Variants in ZRANB3 observed in about 807,000 individuals in gnomAD.
ZRANB3 encodes DNA annealing helicase and endonuclease ZRANB3.
A neutral mutation model predicts 133.8 loss-of-function variants in ZRANB3; 125 were observed. The ratio of observed to expected loss-of-function variants is 0.93; its 90% confidence interval spans 0.81 to 1.08. ZRANB3 has a LOEUF of 1.08. Among genes scored for constraint, ZRANB3 ranks in the 50% least tolerant of loss-of-function variants. ZRANB3 has a pLI of 0.00. For synonymous variants in ZRANB3, 387 were observed against 432.7 expected, an observed-to-expected ratio of 0.89 and a Z score of 1.31; for missense variants, 1,229 against 1,275.5, an observed-to-expected ratio of 0.96 and a Z score of 0.56.
chr2:135,375,714 G>T (rs1686398403), intron 3 of ZRANB3, among the ~76,000 whole-genome samples: 3 of 151,620 alleles, frequency 2.0e-5, no homozygotes, highest in Non-Finnish European at 4.4e-5. Context: ...AAGTTGGCCG[G>T]GGTGGTGGAG....
At chr2:135,302,043 A>G (rs924159662) in intron 8 of ZRANB3, among the ~76,000 whole-genome samples, 11 of 152,242 alleles carry the variant, frequency 7.2e-5, no homozygotes, top group Non-Finnish European at 1.6e-4. Context: ...AAGTTCATTT[A>G]CAAACTGGTT....
At chr2:135,326,267 T>C (rs961723466) in intron 6 of ZRANB3, among the ~76,000 whole-genome samples, 2 of 152,290 alleles carry the variant, frequency 1.3e-5, no homozygotes, top group Non-Finnish European at 1.5e-5. Context: ...TGCTTTTCCA[T>C]AGGTTACTGG....
In ZRANB3 at chr2:135,264,836, T is replaced by G. The variant is rs1323922427; in HGVS notation, c.1539+698A>C. Among the ~76,000 whole-genome samples, 3 of 151,862 alleles carry G rather than the reference T, an allele frequency of 2.0e-5. No homozygotes were observed. The South Asian group carries it at 6.2e-4, about 32-fold the overall frequency. ...ATCTCAGCTCACGGGAACCTCTGCC[T>G]TCAGGTGGTTCAAGCGATTCTTGTG... On this transcript the variant is annotated intron_variant, in intron 12 of 20. Transcript: ENST00000264159.
intron 2 of ZRANB3, among the ~76,000 whole-genome samples, chr2:135,469,947 G>A (rs1172482355): frequency 6.6e-6 from 1 of 151,184 alleles, no homozygotes; most frequent in Non-Finnish European, 1.5e-5. Context: ...GGGAGGTGGA[G>A]CTTGCAGTGA....
intron 1 of ZRANB3, among the ~76,000 whole-genome samples, chr2:135,524,689 T>C (rs1284372365): frequency 1.3e-5 from 2 of 151,890 alleles, no homozygotes; most frequent in Admixed American, 1.3e-4. Context: ...ATTACAAAGT[T>C]ACAGAAATTA....
chr2:135,472,021 A>G (rs1025796347), intron 2 of ZRANB3, among the ~76,000 whole-genome samples: 17 of 152,252 alleles, frequency 1.1e-4, no homozygotes, highest in Admixed American at 2.6e-4. Context: ...TGAAACAGCA[A>G]ATAAATGTAA....
At chr2:135,480,020 G>A (rs928951211) in intron 2 of ZRANB3, among the ~76,000 whole-genome samples, 4 of 151,332 alleles carry the variant, frequency 2.6e-5, no homozygotes, top group African/African-American at 4.8e-5. Flanking sequence ...TGCAAGCTCC[G>A]CCTCCTGGGT....
chr2:135,244,619 A>G (rs1695705952), intron 12 of ZRANB3, among the ~76,000 whole-genome samples: 1 of 151,644 alleles, frequency 6.6e-6, no homozygotes, highest in Non-Finnish European at 1.5e-5. Flanking sequence ...AAATAAATAA[A>G]TAAATAAATA....
intron 2 of ZRANB3, among the ~76,000 whole-genome samples, chr2:135,481,526 C>A (rs890414115): frequency 6.6e-6 from 1 of 152,098 alleles, no homozygotes; most frequent in Admixed American, 6.6e-5. Flanking sequence ...CCCTTTGTCA[C>A]ATGAGTAAGT....
At chr2:135,517,981 T>C (rs1693769598) in intron 1 of ZRANB3, among the ~76,000 whole-genome samples, 1 of 152,176 alleles carries the variant, frequency 6.6e-6, no homozygotes. Context: ...TAGAGAGGCA[T>C]TCTGGCTAGA....
chr2:135,444,737 T>G (rs925701216), intron 2 of ZRANB3, among the ~76,000 whole-genome samples: 1 of 152,228 alleles, frequency 6.6e-6, no homozygotes, highest in Non-Finnish European at 1.5e-5. Flanking sequence ...CTAGTGATGC[T>G]AAAACTGATC....
intron 9 of ZRANB3, among the ~76,000 whole-genome samples, chr2:135,273,443 G>GA (rs767413323): frequency 5.9e-5 from 9 of 152,058 alleles, no homozygotes; most frequent in Non-Finnish European, 7.4e-5. Flanking sequence ...CATTAAGGAA[G>GA]ATTATAAAAT....
intron 6 of ZRANB3, among the ~76,000 whole-genome samples, chr2:135,333,686 G>A (rs930063109): frequency 8.5e-5 from 13 of 152,136 alleles, no homozygotes; most frequent in Non-Finnish European, 1.6e-4. Context: ...AATCTGTAAT[G>A]ATGAAAAAGT....
chr2:135,518,970 GGGAA>G lies in ZRANB3; in HGVS notation c.-8+12153_-8+12156del, dbSNP rs1251035538. On this transcript the variant is annotated intron_variant, in intron 1 of 20. Transcript: ENST00000264159. ...GAATTTGGAGCTGATTGTTGGACAG[GGGAA>G]ACTGTTTCTGTCCCTCAGATTAGGT... Among the ~76,000 whole-genome samples, 124 of 152,220 alleles carry G rather than the reference GGGAA, an allele frequency of 8.1e-4. 1 individual carries two copies. Among genetic ancestry groups the G allele is most frequent in the African/African-American group, 2.6e-3 (110 of 41,552 alleles).
chr2:135,397,461 A>AC, intron 2 of ZRANB3, among the ~76,000 whole-genome samples: 2 of 151,402 alleles, frequency 1.3e-5, no homozygotes, highest in South Asian at 4.2e-4. Flanking sequence ...AAAAAAAAAA[A>AC]GAAAAGAAAA....
chr2:135,502,703 A>G (rs1298867720), intron 2 of ZRANB3, among the ~76,000 whole-genome samples: 1 of 152,240 alleles, frequency 6.6e-6, no homozygotes, highest in Non-Finnish European at 1.5e-5. Context: ...GGCAGTTTAA[A>G]ATATCATTTG....
intron 12 of ZRANB3, among the ~76,000 whole-genome samples, chr2:135,251,520 T>C (rs1345812979): frequency 1.3e-5 from 2 of 152,170 alleles, no homozygotes; most frequent in African/African-American, 4.8e-5. Context: ...TCCCATGTGT[T>C]GTGGGAGGGA....
intron 8 of ZRANB3, among the ~76,000 whole-genome samples, chr2:135,302,270 C>G (rs1438262561): frequency 6.6e-6 from 1 of 152,052 alleles, no homozygotes; most frequent in African/African-American, 2.4e-5. Flanking sequence ...GGCTGTAGCT[C>G]AGGAATAGAA....
Position 135,271,844 on chromosome 2 carries a change from C to G in ZRANB3, c.1130G>C (p.Arg377Thr). Residue 377 changes from arginine (R) to threonine (T), a missense_variant, in exon 10 of 21, where the codon AGA becomes ACA. Physicochemically the swap from Arg to Thr is moderately conservative, Grantham distance 71. Transcript: ENST00000264159. ...RIDGSVSSSE[R>T]IHLVNQFQKD... The stretch of plus-strand genomic sequence containing the variant: ...TTGAAACTGATTAACCAGATGTATT[C>G]TTTCTGAAGATGAAACACTTCCATC... 6.2e-7 allele frequency: 1 copy of G among 1,613,782 alleles called. No homozygotes were observed. Among genetic ancestry groups the G allele is most frequent in the Non-Finnish European group, 8.5e-7 (1 of 1,179,810 alleles).
Sources: allele counts gnomAD v4.1 joint callset (sites outside exome capture counted in the v4.1 genomes callset), GRCh38; gene constraint gnomAD v4.1.1; transcripts MANE v1.5; gene names NCBI Gene and HGNC (gene_info 2026-07-23, HGNC 2026-07-21).